The following GRID2 variants were observed in gnomAD, a reference collection of about 807,000 sequenced individuals.
GRID2 encodes glutamate ionotropic receptor delta type subunit 2, also known as glutamate receptor ionotropic, delta-2.
Under a neutral mutation model 114.8 loss-of-function variants are expected in GRID2, and 33 were observed. That is an observed-to-expected ratio of 0.29 (90% CI 0.22 to 0.38). The LOEUF is 0.38. Ranked by LOEUF, GRID2 falls within the 10% of genes least tolerant of loss-of-function variation. The pLI is 1.00. For synonymous variants in GRID2, 505 were observed against 449.9 expected (o/e 1.12, Z -1.55); for missense variants, 1,184 against 1,257.7 (o/e 0.94, Z 0.89).
chr4:93,421,999 G>C (rs995895892), intron 9 of GRID2, among the ~76,000 whole-genome samples: 1 of 152,120 alleles, frequency 6.6e-6, no homozygotes, highest in Non-Finnish European at 1.5e-5. Context: ...GAAAATTAAG[G>C]AATAGATTAT....
intron 2 of GRID2, among the ~76,000 whole-genome samples, chr4:92,708,773 A>C (rs1735071825): frequency 6.6e-6 from 1 of 152,128 alleles, no homozygotes; most frequent in Admixed American, 6.6e-5. Context: ...CTAAACGCAA[A>C]AAATTAGCCA....
chr4:93,205,503 C>T (rs1405317609), intron 4 of GRID2, among the ~76,000 whole-genome samples: 1 of 152,090 alleles, frequency 6.6e-6, no homozygotes, highest in African/African-American at 2.4e-5. Context: ...TTTTTTATAG[C>T]TGCATAGTAT....
Position 92,750,372 on chromosome 4 carries a change from G to T in GRID2, c.244+160086G>T, listed in dbSNP as rs578146557. 7.9e-5 allele frequency among the ~76,000 whole-genome samples: 12 copies of T among 152,170 alleles called. 1 individual carries two copies. The East Asian group carries it at 1.9e-3, about 24-fold the overall frequency. On this transcript the variant is annotated intron_variant, in intron 2 of 15. Coordinates refer to ENST00000282020, the MANE Select transcript of GRID2 (RefSeq NM_001510.4). ...TTTGCCTCCTGCCTATTCTACTTTC[G>T]CTAAGCCCTTAGGATCGATAATTAA...
intron 2 of GRID2, among the ~76,000 whole-genome samples, chr4:92,701,816 C>G (rs2149301818): frequency 6.6e-6 from 1 of 152,202 alleles, no homozygotes; most frequent in South Asian, 2.1e-4. Flanking sequence ...TATTGTTAAT[C>G]TACATGGAAA....
intron 1 of GRID2, among the ~76,000 whole-genome samples, chr4:92,442,814 A>G (rs1401826889): frequency 6.6e-6 from 1 of 152,178 alleles, no homozygotes; most frequent in Non-Finnish European, 1.5e-5. Context: ...GGGATAAAGA[A>G]AAAGGAGCAT....
chr4:93,103,349 T>G (rs1731882697), intron 3 of GRID2, among the ~76,000 whole-genome samples: 1 of 152,082 alleles, frequency 6.6e-6, no homozygotes, highest in Admixed American at 6.6e-5. Context: ...CTCCAATCTC[T>G]ACCCCAGAGT....
intron 4 of GRID2, among the ~76,000 whole-genome samples, chr4:93,183,257 A>G (rs1385586533): frequency 1.3e-5 from 2 of 152,200 alleles, no homozygotes; most frequent in Non-Finnish European, 2.9e-5. Context: ...CTCTAACTTC[A>G]CAAAATGTTT....
intron 2 of GRID2, among the ~76,000 whole-genome samples, chr4:93,004,148 G>T (rs575051168): frequency 2.6e-5 from 4 of 151,852 alleles, no homozygotes; most frequent in African/African-American, 9.7e-5. Context: ...CACATTTTAG[G>T]AGAGGCTGAT....
chr4:92,312,602 C>A (rs185453228), intron 1 of GRID2, among the ~76,000 whole-genome samples: 1 of 150,914 alleles, frequency 6.6e-6, no homozygotes, highest in Non-Finnish European at 1.5e-5. Flanking sequence ...GTTTAGGGTA[C>A]AAATCAAAAT....
At chr4:93,250,646 ATATATATATTTTATATATT>A (rs1276273450) in intron 8 of GRID2, among the ~76,000 whole-genome samples, 1,629 of 147,018 alleles carry the variant, frequency 0.011, 33 homozygotes, top group African/African-American at 0.038. Context: ...TTACATATAT[ATATATATATTTTATATATT>A]TATATATTTT....
chr4:92,632,687 A>G lies in GRID2; in HGVS notation c.244+42401A>G, dbSNP rs557169913. ...AGAAGTGAAGAAAGGAAAGGAAGGGAAGAAGTGAAGAAAGGGAAGGAAGGG... is the reference window on the plus strand; with the variant it reads ...AGAAGTGAAGAAAGGAAAGGAAGGGGAGAAGTGAAGAAAGGGAAGGAAGGG... On this transcript the variant is annotated intron_variant, in intron 2 of 15. Coordinates refer to ENST00000282020, the MANE Select transcript of GRID2 (RefSeq NM_001510.4). Among the ~76,000 whole-genome samples, 515 of 151,816 alleles carry G rather than the reference A, an allele frequency of 3.4e-3. 3 individuals carry two copies. Among genetic ancestry groups the G allele is most frequent in the Middle Eastern group, 0.024 (7 of 294 alleles).
chr4:93,350,939 A>G (rs1001031747), intron 8 of GRID2, among the ~76,000 whole-genome samples: 19 of 152,224 alleles, frequency 1.2e-4, no homozygotes, highest in African/African-American at 4.6e-4. Flanking sequence ...ACTCACAATC[A>G]TGGCAGAAGG....
chr4:92,652,806 A>AATATAT (rs1160778704), intron 2 of GRID2, among the ~76,000 whole-genome samples: 1 of 136,094 alleles, frequency 7.3e-6, no homozygotes, highest in Admixed American at 7.6e-5. Flanking sequence ...TGAAAAAAAA[A>AATATAT]ATATATATAT....
At chr4:93,089,881 C>T (rs943024873) in intron 3 of GRID2, among the ~76,000 whole-genome samples, 1 of 152,050 alleles carries the variant, frequency 6.6e-6, no homozygotes, top group Admixed American at 6.6e-5. Flanking sequence ...GTTTCTGTTG[C>T]CCTCAAGTTC....
chr4:93,577,466 A>C (rs547623553), intron 13 of GRID2, among the ~76,000 whole-genome samples: 3 of 152,356 alleles, frequency 2.0e-5, no homozygotes, highest in African/African-American at 7.2e-5. Flanking sequence ...AATTCAGTCA[A>C]GATTTAGGAT....
At chr4:92,705,380 A>G (rs1301161792) in intron 2 of GRID2, among the ~76,000 whole-genome samples, 1 of 152,226 alleles carries the variant, frequency 6.6e-6, no homozygotes, top group Non-Finnish European at 1.5e-5. Flanking sequence ...ACTACACGCC[A>G]GGCATTGTTG....
chr4:92,534,801 C>A (rs751537446), intron 1 of GRID2, among the ~76,000 whole-genome samples: 3 of 152,036 alleles, frequency 2.0e-5, no homozygotes, highest in Non-Finnish European at 4.4e-5. Context: ...AATATTTTCC[C>A]ACCTTTATTA....
chr4:92,372,562 A>G (rs1729167998), intron 1 of GRID2, among the ~76,000 whole-genome samples: 1 of 152,158 alleles, frequency 6.6e-6, no homozygotes. Context: ...TGTTCATGCA[A>G]TAGAATATAG....
At position 93,367,217 on chromosome 4, in the gene GRID2, T is replaced by TC. The variant is rs1326969008; in HGVS notation, c.1246-28390_1246-28389insC. ...TTTTTTTTTTAAGTTTTTTTTTTTT[T>TC]GGTCAGTTGTTGAAATTTTTAAACA... On this transcript the variant is annotated intron_variant, in intron 8 of 15. Transcript: ENST00000282020. Among the ~76,000 whole-genome samples, 22 of 150,430 alleles carry TC rather than the reference T, an allele frequency of 1.5e-4. No homozygotes were observed. The South Asian group carries it at 4.6e-3, about 32-fold the overall frequency.
Sources: gnomAD v4.1 joint callset for allele counts (sites outside exome capture counted in the v4.1 genomes callset) on GRCh38, gnomAD v4.1.1 for gene constraint, MANE v1.5 for transcripts, NCBI Gene and HGNC (gene_info 2026-07-23, HGNC 2026-07-21) for gene names.